Variants in CPQ observed in about 807,000 individuals in gnomAD.
The protein encoded by CPQ is carboxypeptidase Q.
A neutral mutation model predicts 45.7 loss-of-function variants in CPQ; 37 were observed. That is an observed-to-expected ratio of 0.81 (90% CI 0.62 to 1.07). The LOEUF is 1.07. Ranked by LOEUF, CPQ falls within the 50% of genes least tolerant of loss-of-function variation. The pLI is 0.00. For synonymous variants in CPQ, 186 were observed against 205.8 expected (o/e 0.90, Z 0.82); for missense variants, 537 against 572.9 (o/e 0.94, Z 0.64).
At chr8:97,121,873 C>T (rs1255794848) in intron 7 of CPQ, among the ~76,000 whole-genome samples, 1 of 151,948 alleles carries the variant, frequency 6.6e-6, no homozygotes, top group Non-Finnish European at 1.5e-5. Flanking sequence ...AAAAATTCAC[C>T]TTATGGGCTC....
At chr8:97,112,699 CT>C (rs765041277) in intron 7 of CPQ, among the ~76,000 whole-genome samples, 32 of 152,186 alleles carry the variant, frequency 2.1e-4, no homozygotes, top group Non-Finnish European at 4.6e-4. Context: ...TGCAGCAGCA[CT>C]GACAGCATGG....
rs546283291 is a variant in CPQ, at chr8:96,649,600, T to C, written c.-35+4198T>C. Among the ~76,000 whole-genome samples the C allele has an allele frequency of 7.2e-5, 11 of 152,226 alleles. No individual in the cohort carries two copies. In the East Asian group the frequency reaches 1.5e-3, roughly 21 times the overall value. ...ATGCCACTAATGAGGGTAAGAAATA[T>C]AAGGTGAGGAAGAAGTTTCGGGAGA... On this transcript the variant is annotated intron_variant, in intron 1 of 7. Coordinates refer to ENST00000220763, the MANE Select transcript of CPQ (RefSeq NM_016134.4).
chr8:96,753,075 T>C (rs1320498126), intron 1 of CPQ, among the ~76,000 whole-genome samples: 1 of 152,208 alleles, frequency 6.6e-6, no homozygotes, highest in Non-Finnish European at 1.5e-5. Context: ...GAAATTAATT[T>C]TTATATGATG....
chr8:97,135,006 C>T (rs1481050209), intron 7 of CPQ, among the ~76,000 whole-genome samples: 1 of 152,156 alleles, frequency 6.6e-6, no homozygotes, highest in Non-Finnish European at 1.5e-5. Flanking sequence ...GTTTTACCAC[C>T]TTACAGAGAT....
rs541450917 is a variant in CPQ at position 97,093,685 on chromosome 8, T to G, written c.1255+27475T>G. 6.6e-5 allele frequency among the ~76,000 whole-genome samples: 10 copies of G among 152,328 alleles called. No individual in the cohort carries two copies. In the South Asian group the frequency reaches 1.7e-3, roughly 25 times the overall value. On this transcript the variant is annotated intron_variant, in intron 7 of 7. Coordinates refer to ENST00000220763, the MANE Select transcript of CPQ (RefSeq NM_016134.4). The stretch of plus-strand genomic sequence containing the variant: ...ACAGTGGAGATTCACTCACATTTGA[T>G]GCGTATTACCTAGACAAGGAGGACA...
intron 3 of CPQ, among the ~76,000 whole-genome samples, chr8:96,847,344 C>T (rs1032324923): frequency 6.6e-6 from 1 of 152,146 alleles, no homozygotes; most frequent in Non-Finnish European, 1.5e-5. Context: ...ATTTCTATTA[C>T]AATTATTTGC....
intron 5 of CPQ, among the ~76,000 whole-genome samples, chr8:97,025,707 T>G (rs181860531): frequency 5.9e-4 from 90 of 152,344 alleles, no homozygotes; most frequent in Middle Eastern, 3.4e-3. Context: ...TATTACTTTG[T>G]TTTGTTACTA....
Position 97,063,120 on chromosome 8 carries a change from T to C in CPQ, c.1054-2889T>C, listed in dbSNP as rs1021111895. On this transcript the variant is annotated intron_variant, in intron 6 of 7. Coordinates refer to ENST00000220763, the MANE Select transcript of CPQ (RefSeq NM_016134.4). ...TCAACATTGTATAAGTGTTCCCTTT[T>C]CTCCTCAACCTCACCAGCATGTACT... is the stretch of plus-strand genomic sequence containing the variant. Among the ~76,000 whole-genome samples the C allele has an allele frequency of 5.3e-5, 8 of 152,212 alleles. No homozygotes were observed. In the East Asian group the frequency reaches 1.2e-3, roughly 22 times the overall value.
At chr8:96,932,888 G>A (rs1051717343) in intron 4 of CPQ, among the ~76,000 whole-genome samples, 2 of 152,188 alleles carry the variant, frequency 1.3e-5, no homozygotes, top group Admixed American at 6.5e-5. Flanking sequence ...GTAGACGGCT[G>A]TGGAATTGGG....
chr8:97,100,226 T>G (rs926414896), intron 7 of CPQ, among the ~76,000 whole-genome samples: 1 of 152,190 alleles, frequency 6.6e-6, no homozygotes, highest in African/African-American at 2.4e-5. Flanking sequence ...GAATTATTTG[T>G]TGAACGAATG....
At chr8:97,104,409 A>G (rs1172646395) in intron 7 of CPQ, among the ~76,000 whole-genome samples, 1 of 152,168 alleles carries the variant, frequency 6.6e-6, no homozygotes, top group Non-Finnish European at 1.5e-5. Context: ...TGATTTGGTC[A>G]TGTATGACTC....
intron 2 of CPQ, among the ~76,000 whole-genome samples, chr8:96,787,412 C>T (rs535666415): frequency 1.3e-5 from 2 of 150,282 alleles, no homozygotes; most frequent in African/African-American, 4.9e-5. Flanking sequence ...CACTTGATTA[C>T]AATACATAAT....
Position 97,116,420 on chromosome 8 carries a change from A to G in CPQ, c.1256-26600A>G, listed in dbSNP as rs547970532. ...CATATTAAACTGAATTTTTCTAACC[A>G]AGGTCTTAAATAAACAGACACCAGC... On this transcript the variant is annotated intron_variant, in intron 7 of 7. Coordinates refer to ENST00000220763, the MANE Select transcript of CPQ (RefSeq NM_016134.4). Among the ~76,000 whole-genome samples the G allele has an allele frequency of 1.6e-3, 246 of 152,368 alleles. 2 individuals are homozygous for G. Among genetic ancestry groups the G allele is most frequent in the South Asian group, 5.8e-3 (28 of 4,830 alleles).
chr8:97,060,737 T>C (rs547998818), intron 6 of CPQ, among the ~76,000 whole-genome samples: 1 of 152,240 alleles, frequency 6.6e-6, no homozygotes, highest in African/African-American at 2.4e-5. Context: ...CTAAAATGAG[T>C]TGGGTGAAAT....
intron 1 of CPQ, among the ~76,000 whole-genome samples, chr8:96,690,212 G>C (rs891147285): frequency 2.6e-5 from 4 of 152,016 alleles, no homozygotes; most frequent in African/African-American, 7.2e-5. Flanking sequence ...ACTTTCCTCT[G>C]TTCCCTATTT....
At chr8:96,869,036 A>G (rs907973421) in intron 3 of CPQ, among the ~76,000 whole-genome samples, 16 of 152,034 alleles carry the variant, frequency 1.1e-4, no homozygotes, top group African/African-American at 3.1e-4. Flanking sequence ...ACATATTCTA[A>G]TGCAGGTGCC....
At chr8:96,766,915 T>C (rs1244311541) in intron 1 of CPQ, among the ~76,000 whole-genome samples, 1 of 152,192 alleles carries the variant, frequency 6.6e-6, no homozygotes, top group African/African-American at 2.4e-5. Context: ...TTTATTTTTC[T>C]GTGTACTCTC....
rs935858024 is a variant in CPQ, at chr8:96,662,068, A to G, written c.-35+16666A>G. 2.6e-5 allele frequency among the ~76,000 whole-genome samples: 4 copies of G among 151,858 alleles called. No homozygotes were observed. In the East Asian group the frequency reaches 7.7e-4, roughly 29 times the overall value. ...GTATCTTTTCACATGTTTATTTTCC[A>G]CTTTATATCTTCTTTGGTAAGGTGT... On this transcript the variant is annotated intron_variant, in intron 1 of 7. Transcript: ENST00000220763.
chr8:97,052,218 T>C (rs1250833386), intron 6 of CPQ, among the ~76,000 whole-genome samples: 1 of 152,188 alleles, frequency 6.6e-6, no homozygotes, highest in Non-Finnish European at 1.5e-5. Context: ...TCACCTCCCT[T>C]AGTTCAATAC....
Sources: allele counts gnomAD v4.1 joint callset (sites outside exome capture counted in the v4.1 genomes callset), GRCh38; gene constraint gnomAD v4.1.1; transcripts MANE v1.5; gene names NCBI Gene and HGNC (gene_info 2026-07-23, HGNC 2026-07-21).